The following RIMS1 variants were observed in gnomAD, a reference collection of about 807,000 sequenced individuals.
RIMS1 encodes regulating synaptic membrane exocytosis 1.
In RIMS1, 83 loss-of-function variants were observed where a neutral mutation model predicts 214.1. The observed-to-expected ratio is 0.39, with a 90% CI of 0.32 to 0.47. RIMS1 has a LOEUF of 0.47. RIMS1 is among the 20% of genes least tolerant of loss of function. RIMS1 has a pLI of 0.99. For missense variants in RIMS1, 2,050 were observed against 2,161.8 expected, an observed-to-expected ratio of 0.95 and a Z score of 1.03; for synonymous variants, 793 against 786.8, an observed-to-expected ratio of 1.01 and a Z score of -0.13.
chr6:72,400,940 T>C lies in RIMS1; in HGVS notation c.*226T>C. 1 of 513,046 alleles carries C rather than the reference T, an allele frequency of 1.9e-6. No homozygotes were observed. The highest frequency in any genetic ancestry group is 2.9e-5 in the South Asian group (1 of 34,628). The allele number at this position is 513,046 out of a possible 1,614,324, so 31.8% of individuals were successfully genotyped here. Reference sequence around the variant, plus strand: ...GGAAGAATCAACATGCTGGTGAGAGTCACTGATGCTTCTAACAAATAGAAA... The same window carrying C: ...GGAAGAATCAACATGCTGGTGAGAGCCACTGATGCTTCTAACAAATAGAAA... On this transcript the variant is annotated 3_prime_UTR_variant, in exon 34 of 34. Coordinates refer to ENST00000521978, the MANE Select transcript of RIMS1 (RefSeq NM_014989.7).
chr6:72,080,220 T>C (rs958225623), intron 2 of RIMS1, among the ~76,000 whole-genome samples: 34 of 151,220 alleles, frequency 2.2e-4, no homozygotes, highest in African/African-American at 8.0e-4. Flanking sequence ...GCCGAGATCA[T>C]GCCACTGCAC....
chr6:72,316,632 A>C (rs1475650715), intron 28 of RIMS1: 3 of 489,312 alleles, frequency 6.1e-6, no homozygotes, highest in Non-Finnish European at 1.2e-5. Flanking sequence ...AGCCTGGAGC[A>C]GGAGCCACCA....
At chr6:72,258,763 T>C (rs2154155007) in intron 17 of RIMS1, among the ~76,000 whole-genome samples, 1 of 152,266 alleles carries the variant, frequency 6.6e-6, no homozygotes, top group South Asian at 2.1e-4. Flanking sequence ...CGATAAAAAT[T>C]GATTTTGATA....
intron 24 of RIMS1, among the ~76,000 whole-genome samples, chr6:72,288,962 CAGG>C (rs1481781092): frequency 6.6e-6 from 1 of 152,168 alleles, no homozygotes; most frequent in Non-Finnish European, 1.5e-5. Context: ...CCTTGTGGCT[CAGG>C]AGATGGAACA....
At chr6:72,352,983 CTTTTTTT>C (rs70994123) in intron 29 of RIMS1, among the ~76,000 whole-genome samples, 6 of 88,288 alleles carry the variant, frequency 6.8e-5, no homozygotes, top group Admixed American at 4.5e-4. Context: ...ATTCTTTTTT[CTTTTTTT>C]TTTTTTTTTT....
chr6:71,953,993 C>G (rs1486050581), intron 1 of RIMS1, among the ~76,000 whole-genome samples: 1 of 152,158 alleles, frequency 6.6e-6, no homozygotes, highest in Non-Finnish European at 1.5e-5. Flanking sequence ...TGATGGACAA[C>G]TTCCACTTAT....
intron 6 of RIMS1, among the ~76,000 whole-genome samples, chr6:72,223,744 G>A (rs542821251): frequency 5.9e-5 from 9 of 151,958 alleles, no homozygotes; most frequent in Admixed American, 3.3e-4. Context: ...TCAGGAAATC[G>A]AGACCATCCT....
chr6:72,253,046 G>C (rs144867168), intron 16 of RIMS1, among the ~76,000 whole-genome samples: 1 of 152,110 alleles, frequency 6.6e-6, no homozygotes. Flanking sequence ...AGGTTCTTCC[G>C]TAGAAACATG....
intron 2 of RIMS1, among the ~76,000 whole-genome samples, chr6:72,012,870 T>G (rs962142677): frequency 6.6e-6 from 1 of 152,172 alleles, no homozygotes; most frequent in African/African-American, 2.4e-5. Context: ...TAGAGGTGTT[T>G]GGGTTAAATT....
intron 2 of RIMS1, among the ~76,000 whole-genome samples, chr6:72,057,946 T>G (rs1013748856): frequency 2.6e-5 from 4 of 152,236 alleles, no homozygotes; most frequent in African/African-American, 9.6e-5. Flanking sequence ...GGAGAACATA[T>G]TTACATATCC....
intron 1 of RIMS1, among the ~76,000 whole-genome samples, chr6:71,896,955 A>G (rs951039463): frequency 6.6e-6 from 1 of 152,080 alleles, no homozygotes; most frequent in Admixed American, 6.6e-5. Flanking sequence ...AGAATTTACT[A>G]CTAAATTCTG....
intron 1 of RIMS1, among the ~76,000 whole-genome samples, chr6:71,947,922 T>G (rs1788383706): frequency 6.6e-6 from 1 of 152,118 alleles, no homozygotes. Flanking sequence ...TCTAAATTTC[T>G]TAGCAGACAG....
chr6:72,309,961 T>C (rs962314664), intron 27 of RIMS1, among the ~76,000 whole-genome samples: 1 of 152,068 alleles, frequency 6.6e-6, no homozygotes, highest in African/African-American at 2.4e-5. Context: ...GAAATTATCT[T>C]TTTCATTTTT....
intron 1 of RIMS1, among the ~76,000 whole-genome samples, chr6:71,919,201 T>C (rs1383741331): frequency 6.6e-6 from 1 of 152,054 alleles, no homozygotes; most frequent in African/African-American, 2.4e-5. Flanking sequence ...CCCACTATGG[T>C]TGGTGCTACT....
At chr6:72,199,818 A>C (rs1009426742) in intron 6 of RIMS1, among the ~76,000 whole-genome samples, 1 of 152,134 alleles carries the variant, frequency 6.6e-6, no homozygotes. Flanking sequence ...TAAAATTAGA[A>C]ACCAGTAGAT....
In RIMS1 at chr6:72,214,785, G is replaced by A. The variant is rs868006735; in HGVS notation, c.1679-18988G>A. On this transcript the variant is annotated intron_variant, in intron 6 of 33. Transcript: ENST00000521978. ...CACCCAGGCTGGCGTGCAATGGTGC[G>A]ATCTTGGCTCGTTGCAACCTCTGTC... Among the ~76,000 whole-genome samples, 5 of 151,684 alleles carry A rather than the reference G, an allele frequency of 3.3e-5. No homozygotes were observed. The South Asian group carries it at 1.0e-3, about 32-fold the overall frequency.
At chr6:72,329,132 C>A (rs1055768250) in intron 28 of RIMS1, among the ~76,000 whole-genome samples, 1 of 151,826 alleles carries the variant, frequency 6.6e-6, no homozygotes, top group African/African-American at 2.4e-5. Flanking sequence ...ATCTAGAAGC[C>A]AGGAAAAGGC....
rs1370950708 is a variant in RIMS1 at position 72,263,788 on chromosome 6, A to T, written c.3117-1187A>T. On this transcript the variant is annotated intron_variant, in intron 19 of 33. Coordinates refer to ENST00000521978, the MANE Select transcript of RIMS1 (RefSeq NM_014989.7). ...AGACCAGTGTGGCCAACATGGTGAA[A>T]CCCCGTCTCTACTAAAACACACACA... 2.5e-5 allele frequency: 18 copies of T among 717,018 alleles called. 1 individual carries two copies. The highest frequency in any genetic ancestry group is 2.9e-5 in the Non-Finnish European group (17 of 591,446). The allele number at this position is 717,018 out of a possible 1,614,324, so 44.4% of individuals were successfully genotyped here. A position where few individuals can be genotyped will look rare whatever the true frequency, so the allele number is the denominator to read the frequency against.
At chr6:72,221,289 T>TGA (rs200900105) in intron 6 of RIMS1, among the ~76,000 whole-genome samples, 4 of 144,806 alleles carry the variant, frequency 2.8e-5, no homozygotes, top group South Asian at 2.2e-4. Context: ...AGATCTGGGG[T>TGA]GAGTGTGTGT....
Sources: gnomAD v4.1 joint callset for allele counts (sites outside exome capture counted in the v4.1 genomes callset) on GRCh38, gnomAD v4.1.1 for gene constraint, MANE v1.5 for transcripts, NCBI Gene and HGNC (gene_info 2026-07-23, HGNC 2026-07-21) for gene names.